The following CTNNA3 variants were observed in gnomAD, a reference collection of about 807,000 sequenced individuals.
CTNNA3 encodes catenin alpha 3.
A neutral mutation model predicts 95.7 loss-of-function variants in CTNNA3; 76 were observed. The ratio of observed to expected loss-of-function variants is 0.79; its 90% confidence interval spans 0.66 to 0.96. The LOEUF (loss-of-function observed/expected upper bound fraction) is 0.96. Ranked by LOEUF, CTNNA3 falls within the 40% of genes least tolerant of loss-of-function variation. The pLI, the probability that CTNNA3 is intolerant of heterozygous loss-of-function variation, is 0.00. For missense variants in CTNNA3, 1,191 were observed against 1,089.8 expected (o/e 1.09, Z -1.31); for synonymous variants, 431 against 374.4 (o/e 1.15, Z -1.74).
At chr10:66,705,073 C>T (rs1848073140) in intron 9 of CTNNA3, among the ~76,000 whole-genome samples, 1 of 151,920 alleles carries the variant, frequency 6.6e-6, no homozygotes, top group African/African-American at 2.4e-5. Flanking sequence ...CTTTCCATTC[C>T]CAGTTTTTAC....
At chr10:66,803,185 A>T (rs1254005980) in intron 7 of CTNNA3, among the ~76,000 whole-genome samples, 1 of 151,998 alleles carries the variant, frequency 6.6e-6, no homozygotes, top group African/African-American at 2.4e-5. Flanking sequence ...TTTTATTTTC[A>T]GGCAGGGCAA....
At chr10:66,582,792 A>G (rs1013960333) in intron 10 of CTNNA3, among the ~76,000 whole-genome samples, 5 of 151,740 alleles carry the variant, frequency 3.3e-5, no homozygotes, top group Admixed American at 2.0e-4. Context: ...TACAGCTTTA[A>G]TTATTTAGAG....
chr10:66,007,956 C>T (rs2078931356), intron 15 of CTNNA3, among the ~76,000 whole-genome samples: 1 of 151,784 alleles, frequency 6.6e-6, no homozygotes, highest in Non-Finnish European at 1.5e-5. Flanking sequence ...AGGCCACAGC[C>T]TTTTTCTACA....
chr10:66,092,389 A>C (rs2081244445), intron 14 of CTNNA3, among the ~76,000 whole-genome samples: 1 of 151,802 alleles, frequency 6.6e-6, no homozygotes, highest in Non-Finnish European at 1.5e-5. Flanking sequence ...TTCTCATTCT[A>C]CTCAAAGTAA....
At chr10:66,449,926 A>T (rs1008141051) in intron 11 of CTNNA3, among the ~76,000 whole-genome samples, 22 of 152,090 alleles carry the variant, frequency 1.4e-4, no homozygotes, top group African/African-American at 5.1e-4. Flanking sequence ...AGAACATAAT[A>T]TTGGCTTTGA....
intron 17 of CTNNA3, among the ~76,000 whole-genome samples, chr10:65,950,690 T>C (rs140311882): frequency 6.6e-6 from 1 of 152,358 alleles, no homozygotes; most frequent in East Asian, 1.9e-4. Context: ...GCTAATTATT[T>C]ACTCCAGAAC....
At chr10:66,444,841 A>T (rs2093406308) in intron 11 of CTNNA3, among the ~76,000 whole-genome samples, 1 of 152,180 alleles carries the variant, frequency 6.6e-6, no homozygotes, top group Non-Finnish European at 1.5e-5. Flanking sequence ...TTTAAATGTA[A>T]ATGGGCTAAA....
At chr10:66,422,596 T>C (rs1210196995) in intron 11 of CTNNA3, among the ~76,000 whole-genome samples, 2 of 152,178 alleles carry the variant, frequency 1.3e-5, no homozygotes, top group African/African-American at 4.8e-5. Context: ...TACAGTGAAT[T>C]GTATCTACCC....
At chr10:66,842,147 T>G (rs1843087658) in intron 7 of CTNNA3, among the ~76,000 whole-genome samples, 1 of 151,980 alleles carries the variant, frequency 6.6e-6, no homozygotes, top group South Asian at 2.1e-4. Flanking sequence ...CTCTCTATGT[T>G]GCCCAGGCTG....
chr10:67,247,862 A>T (rs1056264277), intron 5 of CTNNA3, among the ~76,000 whole-genome samples: 14 of 152,220 alleles, frequency 9.2e-5, no homozygotes, highest in Admixed American at 6.5e-4. Flanking sequence ...TTTAAAAAGA[A>T]TTCCCAGTTT....
intron 9 of CTNNA3, among the ~76,000 whole-genome samples, chr10:66,720,311 T>C (rs1444546452): frequency 6.6e-6 from 1 of 151,998 alleles, no homozygotes; most frequent in Admixed American, 6.6e-5. Flanking sequence ...ATCCACTCTA[T>C]TTGGTTGACT....
At chr10:66,890,007 T>G (rs1370699722) in intron 7 of CTNNA3, among the ~76,000 whole-genome samples, 1 of 152,128 alleles carries the variant, frequency 6.6e-6, no homozygotes, top group African/African-American at 2.4e-5. Context: ...GCTAGGCTGG[T>G]CTTGAACTCC....
intron 7 of CTNNA3, among the ~76,000 whole-genome samples, chr10:66,841,373 A>G (rs1843061639): frequency 6.6e-6 from 1 of 152,184 alleles, no homozygotes; most frequent in South Asian, 2.1e-4. Context: ...CAGTTTTTAT[A>G]TATTCTTAAA....
chr10:67,118,353 T>G (rs921605499), intron 7 of CTNNA3, among the ~76,000 whole-genome samples: 6 of 151,966 alleles, frequency 3.9e-5, no homozygotes, highest in African/African-American at 7.2e-5. Flanking sequence ...CTCTCCGATA[T>G]CCATTCACTG....
In CTNNA3 at chr10:66,929,645, T is replaced by A. The variant is rs560175094; in HGVS notation, c.1048-154121A>T. Among the ~76,000 whole-genome samples the A allele has an allele frequency of 2.5e-4, 38 of 152,326 alleles. 3 individuals carry two copies. In the South Asian group the frequency reaches 7.5e-3, roughly 30 times the overall value. Reference sequence around the variant, plus strand: ...GAAAAAAGACCAACACTATGACAGTTCTCTGTTGCTTTTCTATTGCTGACA... The same window carrying A: ...GAAAAAAGACCAACACTATGACAGTACTCTGTTGCTTTTCTATTGCTGACA... On this transcript the variant is annotated intron_variant, in intron 7 of 17. Transcript: ENST00000433211.
At chr10:67,143,378 C>T (rs547663607) in intron 7 of CTNNA3, among the ~76,000 whole-genome samples, 21 of 143,476 alleles carry the variant, frequency 1.5e-4, no homozygotes, top group Admixed American at 7.2e-4. Context: ...GCCGAAATCA[C>T]GCCACTCACT....
chr10:67,726,453 TATATG>T (rs1426522881), intron 1 of CTNNA3, among the ~76,000 whole-genome samples: 13 of 63,852 alleles, frequency 2.0e-4, no homozygotes, highest in African/African-American at 8.5e-4. Context: ...TATAATATTA[TATATG>T]ATATATGATA....
At chr10:67,704,171 GA>G (rs1841062520) in intron 1 of CTNNA3, among the ~76,000 whole-genome samples, 1 of 152,154 alleles carries the variant, frequency 6.6e-6, no homozygotes, top group Admixed American at 6.5e-5. Context: ...TGGATAGGAA[GA>G]ATCAACATCG....
At chr10:67,369,527 T>C (rs1203942667) in intron 5 of CTNNA3, among the ~76,000 whole-genome samples, 3 of 152,250 alleles carry the variant, frequency 2.0e-5, no homozygotes, top group South Asian at 2.1e-4. Flanking sequence ...ATCTTCTCCA[T>C]GGCGAAAATA....
Sources: allele counts gnomAD v4.1 joint callset (sites outside exome capture counted in the v4.1 genomes callset), GRCh38; gene constraint gnomAD v4.1.1; transcripts MANE v1.5; gene names NCBI Gene and HGNC (gene_info 2026-07-23, HGNC 2026-07-21).